Variants in PRIMA1 observed in about 807,000 individuals in gnomAD.
The protein encoded by PRIMA1 is proline rich membrane anchor 1.
A neutral mutation model predicts 17.5 loss-of-function variants in PRIMA1; 7 were observed. That is an observed-to-expected ratio of 0.40 (90% CI 0.23 to 0.75). The LOEUF (loss-of-function observed/expected upper bound fraction) is 0.75, where lower values mean the gene tolerates loss of function less well. Ranked by LOEUF, PRIMA1 falls within the 30% of genes least tolerant of loss-of-function variation. PRIMA1 has a pLI of 0.37. For synonymous variants in PRIMA1, 97 were observed against 77.9 expected (o/e 1.25, Z -1.29); for missense variants, 200 against 201.8 (o/e 0.99, Z 0.05).
chr14:93,728,210 G>A (rs1462819959), intron 4 of PRIMA1, among the ~76,000 whole-genome samples: 1 of 152,180 alleles, frequency 6.6e-6, no homozygotes, highest in South Asian at 2.1e-4. Context: ...GGACTCATAT[G>A]GCCCAAGGAC....
chr14:93,786,574 C>T (rs1595231048), intron 2 of PRIMA1, among the ~76,000 whole-genome samples: 1 of 152,220 alleles, frequency 6.6e-6, no homozygotes, highest in East Asian at 1.9e-4. Context: ...ACAGAGCAAC[C>T]ATGTGAATTG....
intron 4 of PRIMA1, among the ~76,000 whole-genome samples, chr14:93,731,243 G>T (rs188079368): frequency 6.6e-6 from 1 of 152,242 alleles, no homozygotes; most frequent in South Asian, 2.1e-4. Flanking sequence ...TACTGCAAGG[G>T]TGCTGGCCTT....
At chr14:93,725,504 G>A (rs1377137125) in intron 4 of PRIMA1, among the ~76,000 whole-genome samples, 2 of 152,082 alleles carry the variant, frequency 1.3e-5, no homozygotes, top group East Asian at 1.9e-4. Context: ...TCAGGGTGAC[G>A]CTGCGGAAGT....
intron 3 of PRIMA1, among the ~76,000 whole-genome samples, chr14:93,754,524 C>T (rs1261119975): frequency 6.6e-6 from 1 of 152,206 alleles, no homozygotes; most frequent in Non-Finnish European, 1.5e-5. Flanking sequence ...AGACTAAACT[C>T]AACCGAAGAG....
intron 3 of PRIMA1, among the ~76,000 whole-genome samples, chr14:93,748,804 T>TA (rs896620671): frequency 3.3e-5 from 5 of 151,650 alleles, no homozygotes; most frequent in African/African-American, 7.3e-5. Context: ...GAGGGGACAT[T>TA]AAAAAAAACC....
At chr14:93,757,097 G>C (rs1021595454) in intron 3 of PRIMA1, among the ~76,000 whole-genome samples, 7 of 152,168 alleles carry the variant, frequency 4.6e-5, no homozygotes, top group South Asian at 2.1e-4. Flanking sequence ...TTGTAGGGAA[G>C]AATCTAGAAA....
intron 2 of PRIMA1, among the ~76,000 whole-genome samples, chr14:93,782,685 G>C (rs1885417452): frequency 6.6e-6 from 1 of 152,186 alleles, no homozygotes; most frequent in African/African-American, 2.4e-5. Flanking sequence ...TCTGAAATGT[G>C]AGCAGGCACA....
At chr14:93,727,617 T>C (rs2076086737) in intron 4 of PRIMA1, among the ~76,000 whole-genome samples, 1 of 152,054 alleles carries the variant, frequency 6.6e-6, no homozygotes, top group Non-Finnish European at 1.5e-5. Context: ...GCCACCCGCC[T>C]CTGTGCTGGG....
Position 93,720,190 on chromosome 14 carries a change from A to C in PRIMA1, c.*1254T>G, listed in dbSNP as rs1385562979. On this transcript the variant is annotated 3_prime_UTR_variant, in exon 5 of 5. Transcript: ENST00000393140. ...AGGAGTGTCCCACTCATTTTCCAGG[A>C]GATGCAAAATCACCCTGTCTCCGTG... 1 of 152,196 alleles carries C rather than the reference A, an allele frequency of 6.6e-6. No individual in the cohort carries two copies. Among genetic ancestry groups the C allele is most frequent in the East Asian group, 1.9e-4 (1 of 5,192 alleles). 9.4% of individuals were successfully genotyped at this position (152,196 alleles called of 1,614,324 possible). A position where few individuals can be genotyped will look rare whatever the true frequency, so the allele number is the denominator to read the frequency against.
intron 2 of PRIMA1, 74 bp from the exon 3 acceptor site, chr14:93,779,385 C>T (rs1310760185): frequency 1.6e-6 from 2 of 1,290,114 alleles, no homozygotes; most frequent in Non-Finnish European, 2.1e-6. Context: ...CAAGCCCAGG[C>T]CACCCCGTCC....
At chr14:93,741,959 G>A (rs2076186978) in intron 3 of PRIMA1, among the ~76,000 whole-genome samples, 1 of 152,208 alleles carries the variant, frequency 6.6e-6, no homozygotes. Flanking sequence ...CCTGACGCCT[G>A]TAAAGACGAT....
chr14:93,756,627 G>T (rs1275866331), intron 3 of PRIMA1, among the ~76,000 whole-genome samples: 2 of 151,932 alleles, frequency 1.3e-5, no homozygotes, highest in Non-Finnish European at 2.9e-5. Flanking sequence ...CTACTCTCAT[G>T]TGTACAGCAT....
At position 93,726,639 on chromosome 14, in the gene PRIMA1, C is replaced by G. The variant is rs770991066; in HGVS notation, c.360-5093G>C. Among the ~76,000 whole-genome samples, 4 of 152,060 alleles carry G rather than the reference C, an allele frequency of 2.6e-5. No homozygotes were observed. The highest frequency in any genetic ancestry group is 5.9e-5 in the Non-Finnish European group (4 of 67,986). Reference sequence around the variant, plus strand: ...ATACACATAGACACATGTACACATGCACAAATCCACACACACATACAATAT... The same window carrying G: ...ATACACATAGACACATGTACACATGGACAAATCCACACACACATACAATAT... On this transcript the variant is annotated intron_variant, in intron 4 of 4. Transcript: ENST00000393140. The surrounding 1 kb of genome is among the most constrained non-coding windows in gnomAD (Gnocchi z 4.2).
intron 4 of PRIMA1, among the ~76,000 whole-genome samples, chr14:93,731,035 T>C (rs563964119): frequency 1.3e-5 from 2 of 152,084 alleles, no homozygotes; most frequent in Admixed American, 1.3e-4. Context: ...AGGACAAAAA[T>C]GGAACTGATA....
chr14:93,783,764 T>C (rs1046306452), intron 2 of PRIMA1, among the ~76,000 whole-genome samples: 30 of 152,228 alleles, frequency 2.0e-4, no homozygotes, highest in Non-Finnish European at 2.9e-5. Flanking sequence ...GAGAGTGGGC[T>C]GAGGCACAGG....
intron 4 of PRIMA1, chr14:93,725,718 G>A (rs1329451496): frequency 1.5e-5 from 5 of 340,110 alleles, no homozygotes; most frequent in East Asian, 7.5e-5. Flanking sequence ...CTGGCATACC[G>A]TAAGTGCTCC....
intron 3 of PRIMA1, among the ~76,000 whole-genome samples, chr14:93,761,839 C>T (rs894175574): frequency 1.3e-5 from 2 of 152,228 alleles, no homozygotes; most frequent in African/African-American, 4.8e-5. Flanking sequence ...GATTCCATTT[C>T]TTGGTTCTTA....
intron 3 of PRIMA1, among the ~76,000 whole-genome samples, chr14:93,759,294 C>A (rs2076311336): frequency 6.6e-6 from 1 of 152,136 alleles, no homozygotes; most frequent in Non-Finnish European, 1.5e-5. Context: ...GGCTCCTGCC[C>A]AGTAAATGCC....
At chr14:93,724,629 G>A (rs1008024745) in intron 4 of PRIMA1, among the ~76,000 whole-genome samples, 1 of 152,196 alleles carries the variant, frequency 6.6e-6, no homozygotes, top group East Asian at 1.9e-4. Context: ...GTGCTCCCCA[G>A]TGAGGCCGCT....
Sources: allele counts gnomAD v4.1 joint callset (sites outside exome capture counted in the v4.1 genomes callset), GRCh38; gene constraint gnomAD v4.1.1; non-coding constraint Gnocchi (gnomAD v3.1); transcripts MANE v1.5; gene names NCBI Gene and HGNC (gene_info 2026-07-23, HGNC 2026-07-21).